Variants in PLEKHG3 observed in about 807,000 individuals in gnomAD.
PLEKHG3 encodes pleckstrin homology domain-containing family G member 3.
Under a neutral mutation model 94.9 loss-of-function variants are expected in PLEKHG3, and 62 were observed. The observed-to-expected ratio is 0.65, with a 90% CI of 0.53 to 0.81. The LOEUF (loss-of-function observed/expected upper bound fraction) is 0.81. Ranked by LOEUF, PLEKHG3 falls within the 30% of genes least tolerant of loss-of-function variation. PLEKHG3 has a pLI of 0.00. For synonymous variants in PLEKHG3, 614 were observed against 654.0 expected, an observed-to-expected ratio of 0.94 and a Z score of 0.93; for missense variants, 1,461 against 1,619.3, an observed-to-expected ratio of 0.90 and a Z score of 1.68.
Position 64,736,885 on chromosome 14 carries a change from G to A in PLEKHG3, c.1378G>A (p.Glu460Lys), listed in dbSNP as rs1407615494. The A allele has an allele frequency of 6.2e-6, 10 of 1,612,392 alleles. No homozygotes were observed. Among genetic ancestry groups the A allele is most frequent in the African/African-American group, 1.3e-5 (1 of 74,888 alleles). The change falls in exon 13 of 17, where the codon GAG (glutamate) becomes AAG (lysine). Residue 460 changes from glutamate (E) to lysine (K), a missense_variant. By Grantham distance (56) the Glu-to-Lys change is moderately conservative (BLOSUM62 1). Transcript: ENST00000247226. ...PTKHLLRQLN[E>K]KARAAGMKGK... ...CAAACACCTGCTCAGGCAACTCAAC[G>A]AGAAAGGTGAGTGTGTGAGGTGGCC...
At chr14:64,737,074 G>A (rs1449361749) in intron 13 of PLEKHG3, 183 bp downstream of exon 13, 5 of 679,002 alleles carry the variant, frequency 7.4e-6, no homozygotes, top group South Asian at 6.8e-5. Context: ...AGAGGGGCTG[G>A]AGCTCTCCCC....
In PLEKHG3 at chr14:64,730,524, T is replaced by C; in HGVS notation, c.520-118T>C. 1 of 855,798 alleles carries C rather than the reference T, an allele frequency of 1.2e-6. No homozygotes were observed. The highest frequency in any genetic ancestry group is 1.9e-6 in the Non-Finnish European group (1 of 519,714). The allele number at this position is 855,798 out of a possible 1,614,324, so 53.0% of individuals were successfully genotyped here. ...ACAAATAGGTATAAAGATGGCTCTG[T>C]AGGCATTTGGGAACAGGGGACAGAG... is the stretch of plus-strand genomic sequence containing the variant. On this transcript the variant is annotated intron_variant, in intron 4 of 16. Transcript: ENST00000247226. The surrounding 1 kb of genome is among the most constrained non-coding windows in gnomAD (Gnocchi z 5.4).
Position 64,736,751 on chromosome 14 carries a change from A to C in PLEKHG3, c.1346-102A>C. 3 of 866,262 alleles carry C rather than the reference A, an allele frequency of 3.5e-6. No individual in the cohort carries two copies. In the South Asian group the frequency reaches 4.0e-5, roughly 12 times the overall value. The allele number at this position is 866,262 out of a possible 1,614,324, so 53.7% of individuals were successfully genotyped here. A position where few individuals can be genotyped will look rare whatever the true frequency, so the allele number is the denominator to read the frequency against. On this transcript the variant is annotated intron_variant, in intron 12 of 16. Transcript: ENST00000247226. ...ACTGCAGGGGGCCAAGCCAGAGTGGACTTTGAGCTGGTGATGGGCTGGTGG... is the reference window on the plus strand; with the variant it reads ...ACTGCAGGGGGCCAAGCCAGAGTGGCCTTTGAGCTGGTGATGGGCTGGTGG...
Position 64,732,085 on chromosome 14 carries a change from G to A in PLEKHG3, c.1126-10G>A. ...TAACCACTGGGTCCCTTTCCCTTGG[G>A]TCCTCCCAGGCCAAGACAGTGGAGG... On this transcript the variant is annotated splice_polypyrimidine_tract_variant and intron_variant, in intron 9 of 16. Coordinates refer to ENST00000247226, the MANE Select transcript of PLEKHG3 (RefSeq NM_001308147.2). The surrounding 1 kb of genome is among the most constrained non-coding windows in gnomAD (Gnocchi z 4.9). 6.2e-7 allele frequency: 1 copy of A among 1,603,438 alleles called. No homozygotes were observed. The highest frequency in any genetic ancestry group is 8.5e-7 in the Non-Finnish European group (1 of 1,170,290).
Position 64,741,662 on chromosome 14 carries a change from G to A in PLEKHG3, c.2145G>A (p.Leu715=), listed in dbSNP as rs182628347. ...KESALSTRDR[L]LLDKIKSYYE... is the part of the protein sequence containing the mutation. ...CAGCACTCTCCACCCGAGACCGGCT[G>A]TTGCTAGACAAGATTAAGAGCTATT... is the stretch of plus-strand genomic sequence containing the variant. The change falls in exon 16 of 17, where the codon CTG becomes CTA. Residue 715 remains leucine, a synonymous_variant. Transcript: ENST00000247226. The A allele has an allele frequency of 4.3e-6, 7 of 1,613,046 alleles. No homozygotes were observed. Among genetic ancestry groups the A allele is most frequent in the Admixed American group, 3.3e-5 (2 of 60,030 alleles).
At position 64,728,738 on chromosome 14, in the gene PLEKHG3, C is replaced by T. The variant is rs910347785; in HGVS notation, c.352-258C>T. Among the ~76,000 whole-genome samples, 1 of 152,222 alleles carries T rather than the reference C, an allele frequency of 6.6e-6. No individual in the cohort carries two copies. The highest frequency in any genetic ancestry group is 2.4e-5 in the African/African-American group (1 of 41,460). Reference sequence around the variant, plus strand: ...TCTCCTCTTATAAGGACAGCAGCCACTGGATTTGGGGCCCACCCTAAATCC... The same window carrying T: ...TCTCCTCTTATAAGGACAGCAGCCATTGGATTTGGGGCCCACCCTAAATCC... On this transcript the variant is annotated intron_variant, in intron 2 of 16. Transcript: ENST00000247226. This position sits in a 1 kb window ranked among gnomAD's most constrained non-coding sequence, Gnocchi z 5.9.
chr14:64,732,867 G>A lies in PLEKHG3; in HGVS notation c.1311G>A (p.Val437=). ...LKKAWSSQDE[V]STNVRQGRRQ... Reference sequence around the variant, plus strand: ...AGGCTTGGTCCTCCCAGGATGAGGTGTCCACCAATGTGCGCCAGGGGCGCC... The same window carrying A: ...AGGCTTGGTCCTCCCAGGATGAGGTATCCACCAATGTGCGCCAGGGGCGCC... Residue 437 remains valine, a synonymous_variant, in exon 12 of 17, where the codon GTG becomes GTA. Coordinates refer to ENST00000247226, the MANE Select transcript of PLEKHG3 (RefSeq NM_001308147.2). This position sits in a 1 kb window ranked among gnomAD's most constrained non-coding sequence, Gnocchi z 4.9. 1 of 1,610,432 alleles carries A rather than the reference G, an allele frequency of 6.2e-7. No homozygotes were observed. The highest frequency in any genetic ancestry group is 8.5e-7 in the Non-Finnish European group (1 of 1,178,754).
rs1316315064 is a variant in PLEKHG3, at chr14:64,716,046, C to G, written c.-40+11342C>G. ...TGGGGACAATGCGGCTGCCCGGCCCCTCGCCACCCTCGTGGTGCCCGGATG... is the reference window on the plus strand; with the variant it reads ...TGGGGACAATGCGGCTGCCCGGCCCGTCGCCACCCTCGTGGTGCCCGGATG... On this transcript the variant is annotated intron_variant, in intron 1 of 16. Coordinates refer to ENST00000247226, the MANE Select transcript of PLEKHG3 (RefSeq NM_001308147.2). This position sits in a 1 kb window ranked among gnomAD's most constrained non-coding sequence, Gnocchi z 5.0. 6.6e-6 allele frequency: 3 copies of G among 456,246 alleles called. No homozygotes were observed. Among genetic ancestry groups the G allele is most frequent in the Non-Finnish European group, 1.3e-5 (3 of 226,780 alleles). 28.3% of individuals were successfully genotyped at this position (456,246 alleles called of 1,614,324 possible). A position where few individuals can be genotyped will look rare whatever the true frequency, so the allele number is the denominator to read the frequency against.
intron 1 of PLEKHG3, among the ~76,000 whole-genome samples, chr14:64,706,682 T>G (rs951005449): frequency 1.3e-5 from 2 of 152,240 alleles, no homozygotes; most frequent in African/African-American, 4.8e-5. Flanking sequence ...TCTTAATATC[T>G]CAGCCCCAGA....
chr14:64,731,238 AC>A lies in PLEKHG3; in HGVS notation c.849+70del. 1 of 1,493,916 alleles carries A rather than the reference AC, an allele frequency of 6.7e-7. No homozygotes were observed. Among genetic ancestry groups the A allele is most frequent in the Non-Finnish European group, 9.2e-7 (1 of 1,083,258 alleles). The allele number at this position is 1,493,916 out of a possible 1,614,324, so 92.5% of individuals were successfully genotyped here. A position where few individuals can be genotyped will look rare whatever the true frequency, so the allele number is the denominator to read the frequency against. ...GGCCAGGCTTCCGCTGGGAAGAGGG[AC>A]TGTGGCCACCCTGCTGGGATGAGCT... On this transcript the variant is annotated intron_variant, in intron 7 of 16. Transcript: ENST00000247226. This position sits in a 1 kb window ranked among gnomAD's most constrained non-coding sequence, Gnocchi z 6.1.
At position 64,726,993 on chromosome 14, in the gene PLEKHG3, G is replaced by C. The variant is rs1260793882; in HGVS notation, c.-39-600G>C. Among the ~76,000 whole-genome samples, 1 of 152,158 alleles carries C rather than the reference G, an allele frequency of 6.6e-6. No individual in the cohort carries two copies. The highest frequency in any genetic ancestry group is 1.5e-5 in the Non-Finnish European group (1 of 68,010). On this transcript the variant is annotated intron_variant, in intron 1 of 16. Transcript: ENST00000247226. The surrounding 1 kb of genome is among the most constrained non-coding windows in gnomAD (Gnocchi z 5.1). ...CAGGCCACAGACAGGGGGGCACTTG[G>C]GAAGTTCTTCTTCACAACTGCCATT...
At position 64,750,141 on chromosome 14, in the gene PLEKHG3, G is replaced by A; in HGVS notation, c.*6438G>A. 1 of 1,612,612 alleles carries A rather than the reference G, an allele frequency of 6.2e-7. No individual in the cohort carries two copies. The highest frequency in any genetic ancestry group is 2.2e-5 in the East Asian group (1 of 44,850). The stretch of plus-strand genomic sequence containing the variant: ...TCACTGTTCCTGAGCACACAGTACA[G>A]GTTGTTCCAGGACCTGCAAAGATGC... On this transcript the variant is annotated 3_prime_UTR_variant, in exon 17 of 17. Coordinates refer to ENST00000247226, the MANE Select transcript of PLEKHG3 (RefSeq NM_001308147.2).
At position 64,738,573 on chromosome 14, in the gene PLEKHG3, G is replaced by T. The variant is rs534014507; in HGVS notation, c.1405-169G>T. ...AGCTGCATGCCTGACAAGGCTTTCC[G>T]CAGCCCCAGGCCTGGCAGTTCAGGT... On this transcript the variant is annotated intron_variant, in intron 14 of 16. Transcript: ENST00000247226. This position sits in a 1 kb window ranked among gnomAD's most constrained non-coding sequence, Gnocchi z 4.8. 3.9e-5 allele frequency among the ~76,000 whole-genome samples: 6 copies of T among 152,324 alleles called. No homozygotes were observed. The highest frequency in any genetic ancestry group is 3.9e-4 in the Admixed American group (6 of 15,310).
Position 64,722,885 on chromosome 14 carries a change from C to T in PLEKHG3, c.-39-4708C>T, listed in dbSNP as rs915960464. On this transcript the variant is annotated intron_variant, in intron 1 of 16. Coordinates refer to ENST00000247226, the MANE Select transcript of PLEKHG3 (RefSeq NM_001308147.2). The surrounding 1 kb of genome is among the most constrained non-coding windows in gnomAD (Gnocchi z 4.3). ...AGACACAGAGTTCCAGAAGGCTCCC[C>T]GTAATCCTGTGGGATAGGGGAGGAG... Among the ~76,000 whole-genome samples the T allele has an allele frequency of 2.6e-5, 4 of 152,202 alleles. No individual in the cohort carries two copies. The highest frequency in any genetic ancestry group is 6.5e-5 in the Admixed American group (1 of 15,292).
rs538678307 is a variant in PLEKHG3, at chr14:64,730,092, G to A, written c.450-151G>A. The A allele has an allele frequency of 3.4e-6, 2 of 590,820 alleles. No individual in the cohort carries two copies. The highest frequency in any genetic ancestry group is 2.9e-5 in the Admixed American group (1 of 34,910). 36.6% of individuals were successfully genotyped at this position (590,820 alleles called of 1,614,324 possible). On this transcript the variant is annotated intron_variant, in intron 3 of 16. Coordinates refer to ENST00000247226, the MANE Select transcript of PLEKHG3 (RefSeq NM_001308147.2). The surrounding 1 kb of genome is among the most constrained non-coding windows in gnomAD (Gnocchi z 5.4). ...GATACTTTCTGTGGTTGCTGCCTGG[G>A]GCAGGACTCCCTCTGAGGCTAGAAG...
Position 64,741,390 on chromosome 14 carries a change from A to G in PLEKHG3, c.1873A>G (p.Lys625Glu). ...GAGCAGCGTGGCACAGGAGGACAGCAAGTCCAGTGGCTTTGGGAGCCCGCG... is the reference window on the plus strand; with the variant it reads ...GAGCAGCGTGGCACAGGAGGACAGCGAGTCCAGTGGCTTTGGGAGCCCGCG... Reference protein sequence around the residue: ...RRSSVAQEDSKSSGFGSPRLV... With the variant: ...RRSSVAQEDSESSGFGSPRLV... Residue 625 changes from lysine to glutamate, a missense_variant, in exon 16 of 17, where the codon AAG (lysine) becomes GAG (glutamate). Physicochemically the swap from Lys to Glu is moderately conservative, Grantham distance 56 (BLOSUM62 1). Around this residue, in one of 3 missense-constraint regions of PLEKHG3, gnomAD observed 1,201 missense variants for 1,295.5 expected, o/e 0.93. Coordinates refer to ENST00000247226, the MANE Select transcript of PLEKHG3 (RefSeq NM_001308147.2). The G allele has an allele frequency of 6.2e-7, 1 of 1,613,332 alleles. No homozygotes were observed. Among genetic ancestry groups the G allele is most frequent in the Non-Finnish European group, 8.5e-7 (1 of 1,180,032 alleles).
intron 1 of PLEKHG3, among the ~76,000 whole-genome samples, chr14:64,705,856 A>T (rs971377780): frequency 3.3e-5 from 5 of 152,150 alleles, no homozygotes; most frequent in African/African-American, 1.2e-4. Context: ...AAAAGTGTAC[A>T]TTTATCTCTC....
intron 1 of PLEKHG3, among the ~76,000 whole-genome samples, chr14:64,719,116 G>A (rs553331311): frequency 6.6e-6 from 1 of 152,282 alleles, no homozygotes; most frequent in African/African-American, 2.4e-5. Context: ...CTGAACTGCT[G>A]TGTGTCTGCC....
chr14:64,707,989 A>G (rs1307809748), intron 1 of PLEKHG3, among the ~76,000 whole-genome samples: 1 of 152,246 alleles, frequency 6.6e-6, no homozygotes, highest in East Asian at 1.9e-4. Flanking sequence ...TATTTCTCCA[A>G]CCAAATTCTG....
Sources: allele counts gnomAD v4.1 joint callset (sites outside exome capture counted in the v4.1 genomes callset), GRCh38; gene constraint gnomAD v4.1.1; regional missense constraint gnomAD v4.1.1; non-coding constraint Gnocchi (gnomAD v3.1); transcripts MANE v1.5; gene names NCBI Gene and HGNC (gene_info 2026-07-23, HGNC 2026-07-21).